OPCML: variants seen among roughly 807,000 people sequenced by gnomAD.
The protein encoded by OPCML is opioid-binding protein/cell adhesion molecule.
Under a neutral mutation model 37.8 loss-of-function variants are expected in OPCML, and 13 were observed. The ratio of observed to expected loss-of-function variants is 0.34; its 90% CI spans 0.22 to 0.55. The LOEUF (loss-of-function observed/expected upper bound fraction) is 0.55. OPCML is among the 20% of genes least tolerant of loss of function. OPCML has a pLI of 0.91. For synonymous variants in OPCML, 176 were observed against 168.8 expected (o/e 1.04, Z -0.33); for missense variants, 341 against 435.6 (o/e 0.78, Z 1.93).
chr11:132,438,063 G>A (rs2096019113), intron 4 of OPCML, among the ~76,000 whole-genome samples: 2 of 152,206 alleles, frequency 1.3e-5, no homozygotes. Context: ...ATTTGGTGGA[G>A]CTCCCTGGAG....
intron 1 of OPCML, chr11:133,066,077 AC>A (rs1221809215): frequency 1.3e-5 from 2 of 152,684 alleles, no homozygotes; most frequent in African/African-American, 4.8e-5. Context: ...GAGTGCTAGA[AC>A]AGAGCCGCCT....
At chr11:133,342,556 C>T (rs140774079) in intron 1 of OPCML, among the ~76,000 whole-genome samples, 1,721 of 152,234 alleles carry the variant, frequency 0.011, 14 homozygotes, top group Non-Finnish European at 0.014. Context: ...ATAAACAAGG[C>T]GGGCTGCAAG....
chr11:133,358,358 C>G (rs774324181), intron 1 of OPCML, among the ~76,000 whole-genome samples: 3 of 152,164 alleles, frequency 2.0e-5, no homozygotes, highest in Admixed American at 2.0e-4. Context: ...TACTTGATAA[C>G]ATAAATCTAA....
intron 1 of OPCML, among the ~76,000 whole-genome samples, chr11:133,019,175 A>C (rs1190718630): frequency 6.6e-6 from 1 of 152,196 alleles, no homozygotes; most frequent in Non-Finnish European, 1.5e-5. Context: ...TTGAAAAGCC[A>C]GGCTAAGAAG....
chr11:132,495,350 A>G (rs1430085536), intron 4 of OPCML, among the ~76,000 whole-genome samples: 1 of 152,206 alleles, frequency 6.6e-6, no homozygotes, highest in Admixed American at 6.5e-5. Context: ...TACCCTAGAG[A>G]TAAAGGGGAG....
chr11:132,762,949 A>C (rs1946315014), intron 2 of OPCML, among the ~76,000 whole-genome samples: 1 of 152,086 alleles, frequency 6.6e-6, no homozygotes, highest in South Asian at 2.1e-4. Flanking sequence ...TGGTGTAGGC[A>C]CCTGAAAGAA....
In OPCML at chr11:132,958,447, A is replaced by C. The variant is rs143126118; in HGVS notation, c.62-15437T>G. 1.6e-3 allele frequency among the ~76,000 whole-genome samples: 239 copies of C among 152,350 alleles called. 1 individual carries two copies. Among genetic ancestry groups the C allele is most frequent in the African/African-American group, 5.4e-3 (225 of 41,584 alleles). ...GTAGAAGCTGCAGCAAGTAATCCAG[A>C]AGATTTAGCTAAGATCATTGATGAA... is the stretch of plus-strand genomic sequence containing the variant. On this transcript the variant is annotated intron_variant, in intron 1 of 7. Transcript: ENST00000524381.
chr11:133,182,209 T>G (rs916017605), intron 1 of OPCML, among the ~76,000 whole-genome samples: 11 of 152,336 alleles, frequency 7.2e-5, no homozygotes, highest in African/African-American at 2.4e-4. Flanking sequence ...GAAGTCTTCC[T>G]TTGCAAGATG....
At chr11:132,532,018 CAG>C (rs2096326889) in intron 3 of OPCML, among the ~76,000 whole-genome samples, 1 of 152,220 alleles carries the variant, frequency 6.6e-6, no homozygotes, top group African/African-American at 2.4e-5. Context: ...TATGGTGCCT[CAG>C]GATAGAACTC....
chr11:133,201,922 T>C (rs550594727), intron 1 of OPCML, among the ~76,000 whole-genome samples: 10 of 152,330 alleles, frequency 6.6e-5, no homozygotes, highest in African/African-American at 2.4e-4. Flanking sequence ...TGGTTTTTTA[T>C]TGTTTATTAA....
chr11:132,943,150 C>A lies in OPCML; in HGVS notation c.62-140G>T. The stretch of plus-strand genomic sequence containing the variant: ...AGCCGCACAGTCCTGGTCCCCCGCC[C>A]CGCGCACCAGCGGGCTCGGGAAGCG... On this transcript the variant is annotated intron_variant, in intron 1 of 7. Transcript: ENST00000524381. The surrounding 1 kb of genome is among the most constrained non-coding windows in gnomAD (Gnocchi z 4.3). 1 of 1,603,390 alleles carries A rather than the reference C, an allele frequency of 6.2e-7. No individual in the cohort carries two copies. The highest frequency in any genetic ancestry group is 8.5e-7 in the Non-Finnish European group (1 of 1,171,690).
chr11:132,475,308 C>A (rs760085379), intron 4 of OPCML, among the ~76,000 whole-genome samples: 4 of 152,098 alleles, frequency 2.6e-5, no homozygotes, highest in Non-Finnish European at 5.9e-5. Flanking sequence ...TTATTCGGAG[C>A]GATTTTAAAA....
At chr11:133,280,408 A>G (rs1190591712) in intron 1 of OPCML, among the ~76,000 whole-genome samples, 1 of 152,212 alleles carries the variant, frequency 6.6e-6, no homozygotes, top group African/African-American at 2.4e-5. Flanking sequence ...AAGTGGTTTG[A>G]ATGAACTAAC....
chr11:133,350,242 G>T (rs1452311337), intron 1 of OPCML, among the ~76,000 whole-genome samples: 1 of 152,182 alleles, frequency 6.6e-6, no homozygotes, highest in Non-Finnish European at 1.5e-5. Context: ...AAGTGCCACT[G>T]GGATCTTCCC....
At chr11:132,453,946 A>G (rs547902213) in intron 4 of OPCML, among the ~76,000 whole-genome samples, 3 of 152,336 alleles carry the variant, frequency 2.0e-5, no homozygotes, top group Admixed American at 6.5e-5. Flanking sequence ...GCAGAAGACA[A>G]TTCTGCCCTT....
chr11:132,454,677 T>C (rs375674381), intron 4 of OPCML, among the ~76,000 whole-genome samples: 49 of 152,224 alleles, frequency 3.2e-4, no homozygotes, highest in African/African-American at 1.2e-3. Flanking sequence ...CCTATTAAAT[T>C]TTGCCCATTA....
intron 1 of OPCML, among the ~76,000 whole-genome samples, chr11:133,438,999 C>G (rs1946302020): frequency 6.6e-6 from 1 of 152,162 alleles, no homozygotes; most frequent in Non-Finnish European, 1.5e-5. Flanking sequence ...CTTCCATTTA[C>G]TTGTTCCTGA....
At chr11:133,110,484 C>T (rs527573396) in intron 1 of OPCML, among the ~76,000 whole-genome samples, 12 of 152,236 alleles carry the variant, frequency 7.9e-5, no homozygotes, top group African/African-American at 2.9e-4. Context: ...CGTGCGTGAT[C>T]CTACATTTAT....
intron 1 of OPCML, among the ~76,000 whole-genome samples, chr11:133,246,611 A>C (rs1337909492): frequency 6.6e-6 from 1 of 152,196 alleles, no homozygotes; most frequent in Non-Finnish European, 1.5e-5. Flanking sequence ...CAGGGAGAGG[A>C]CAGAGGGCAG....
Sources: allele counts gnomAD v4.1 joint callset (sites outside exome capture counted in the v4.1 genomes callset), GRCh38; gene constraint gnomAD v4.1.1; non-coding constraint Gnocchi (gnomAD v3.1); transcripts MANE v1.5; gene names NCBI Gene and HGNC (gene_info 2026-07-23, HGNC 2026-07-21).